Variants in ZBTB37 observed in about 807,000 individuals in gnomAD.
ZBTB37 encodes zinc finger and BTB domain-containing protein 37.
A neutral mutation model predicts 37.7 loss-of-function variants in ZBTB37; 15 were observed. The observed-to-expected ratio is 0.40, with a 90% CI of 0.27 to 0.61. The LOEUF is 0.61. Among genes scored for constraint, ZBTB37 ranks in the 20% least tolerant of loss-of-function variants. The pLI is 0.44. For missense variants in ZBTB37, 514 were observed against 641.9 expected, an observed-to-expected ratio of 0.80 and a Z score of 2.15; for synonymous variants, 231 against 220.6, an observed-to-expected ratio of 1.05 and a Z score of -0.42.
exon 4 of ZBTB37, chr1:173,901,697 ACT>A (rs1362308595): frequency 6.6e-6 from 1 of 152,028 alleles, no homozygotes; most frequent in Non-Finnish European, 1.5e-5. Flanking sequence ...TTGGCCTAGA[ACT>A]CTGTTTTTGG....
exon 3 of ZBTB37, chr1:173,870,764 C>G: frequency 6.2e-7 from 1 of 1,614,220 alleles, no homozygotes; most frequent in Non-Finnish European, 8.5e-7. Flanking sequence ...CAGGTTAGTG[C>G]TGTGCTGGAT....
At chr1:173,871,052 T>C (rs1331280795) in exon 3 of ZBTB37, 1 of 1,614,078 alleles carries the variant, frequency 6.2e-7, no homozygotes, top group Non-Finnish European at 8.5e-7. Context: ...GCCATGGTGA[T>C]TGATACCACA....
chr1:173,869,680 A>G (rs916849949), intron 2 of ZBTB37, among the ~76,000 whole-genome samples: 6 of 152,220 alleles, frequency 3.9e-5, no homozygotes, highest in Non-Finnish European at 7.3e-5. Context: ...AAGCTTAGAA[A>G]TATTAGCCTA....
At chr1:173,872,570 C>T (rs1655646781) in intron 3 of ZBTB37, among the ~76,000 whole-genome samples, 1 of 152,010 alleles carries the variant, frequency 6.6e-6, no homozygotes, top group Admixed American at 6.6e-5. Flanking sequence ...TAGAACTTGT[C>T]CTCCTATGTT....
downstream of ZBTB37, chr1:173,889,028 G>A (rs2102755251): frequency 6.6e-6 from 1 of 152,202 alleles, no homozygotes; most frequent in East Asian, 1.9e-4. Context: ...TGGTCATCTA[G>A]GACCACTTTA....
intron 4 of ZBTB37, 121 bp downstream of exon 4, chr1:173,873,687 C>A (rs1004337400): frequency 4.9e-6 from 7 of 1,433,408 alleles, no homozygotes; most frequent in Non-Finnish European, 6.5e-6. Context: ...TAAAGAAATA[C>A]TGTATTTTTT....
At chr1:173,877,717 A>C (rs1656062503) in intron 4 of ZBTB37, among the ~76,000 whole-genome samples, 1 of 152,108 alleles carries the variant, frequency 6.6e-6, no homozygotes, top group Admixed American at 6.6e-5. Context: ...GCCACCACAT[A>C]CAGCCTCAAG....
At chr1:173,885,701 T>A (rs1437532900) in exon 5 of ZBTB37, 1 of 1,551,994 alleles carries the variant, frequency 6.4e-7, no homozygotes, top group East Asian at 2.4e-5. Flanking sequence ...AGGAAGTATC[T>A]GAGCGGTGGT....
intron 2 of ZBTB37, among the ~76,000 whole-genome samples, chr1:173,869,629 C>G (rs1655374967): frequency 7.3e-6 from 1 of 137,826 alleles, no homozygotes; most frequent in African/African-American, 3.1e-5. Context: ...GCTTCACAGC[C>G]CTATAACCAA....
chr1:173,878,935 A>C (rs1207869321), intron 4 of ZBTB37, among the ~76,000 whole-genome samples: 1 of 152,000 alleles, frequency 6.6e-6, no homozygotes. Context: ...ATAAAAATAC[A>C]AAAACATTAG....
chr1:173,880,411 G>A (rs139418356), intron 4 of ZBTB37, among the ~76,000 whole-genome samples: 9 of 152,244 alleles, frequency 5.9e-5, no homozygotes, highest in Non-Finnish European at 8.8e-5. Context: ...AAATTAGAAT[G>A]GTAGAAGGCT....
chr1:173,868,670 A>G (rs909653595), intron 1 of ZBTB37: 1 of 152,302 alleles, frequency 6.6e-6, no homozygotes, highest in African/African-American at 2.4e-5. Context: ...ACACACCCAG[A>G]TACGCACACC....
rs1466981133 is a variant in ZBTB37 at position 173,875,200 on chromosome 1, CTA to C, written c.1023+1636_1023+1637del. Among the ~76,000 whole-genome samples the C allele has an allele frequency of 1.6e-4, 24 of 150,000 alleles. 1 individual carries two copies. Among genetic ancestry groups the C allele is most frequent in the Middle Eastern group, 3.5e-3 (1 of 288 alleles). ...ATATACTATATGTAGTATACACACA[CTA>C]TGTATACTATAGTATGCACACACTA... is the stretch of plus-strand genomic sequence containing the variant. On this transcript the variant is annotated intron_variant, in intron 4 of 4. Transcript: ENST00000427304.
chr1:173,873,840 A>G (rs1172159854), intron 4 of ZBTB37, among the ~76,000 whole-genome samples: 2 of 152,250 alleles, frequency 1.3e-5, no homozygotes, highest in Non-Finnish European at 2.9e-5. Context: ...TAGCTGGTTT[A>G]ACATTTTAAA....
chr1:173,871,055 A>G, exon 3 of ZBTB37: 1 of 1,614,210 alleles, frequency 6.2e-7, no homozygotes, highest in South Asian at 1.1e-5. Context: ...ATGGTGATTG[A>G]TACCACAGGC....
chr1:173,895,950 C>T (rs1657028455), exon 4 of ZBTB37: 1 of 152,160 alleles, frequency 6.6e-6, no homozygotes, highest in African/African-American at 2.4e-5. Context: ...AGTCCATGTG[C>T]AATGAATCCT....
At position 173,892,838 on chromosome 1, in the gene ZBTB37, G is replaced by A. The variant is rs577793288; in HGVS notation, c.*6714G>A. Reference sequence around the variant, plus strand: ...TGAAAAAAACTTGTCTATTGCCTGCGTCTTTCATGTCTACTCAATAGGTCC... The same window carrying A: ...TGAAAAAAACTTGTCTATTGCCTGCATCTTTCATGTCTACTCAATAGGTCC... On this transcript the variant is annotated 3_prime_UTR_variant, in exon 4 of 4. Transcript: ENST00000367701. 6.6e-5 allele frequency: 10 copies of A among 152,252 alleles called. No homozygotes were observed. The South Asian group carries it at 1.7e-3, about 25-fold the overall frequency. 9.4% of individuals were successfully genotyped at this position (152,252 alleles called of 1,614,324 possible).
chr1:173,880,100 C>T (rs1226246179), intron 4 of ZBTB37, among the ~76,000 whole-genome samples: 2 of 152,190 alleles, frequency 1.3e-5, no homozygotes, highest in Admixed American at 1.3e-4. Context: ...AACACAGGAT[C>T]AGGCACACAC....
chr1:173,882,379 CTA>C (rs1656374021), intron 4 of ZBTB37, among the ~76,000 whole-genome samples: 1 of 151,040 alleles, frequency 6.6e-6, no homozygotes, highest in African/African-American at 2.4e-5. Flanking sequence ...GTAGCTGGGA[CTA>C]CAGGCACCCG....
Sources: gnomAD v4.1 joint callset for allele counts (sites outside exome capture counted in the v4.1 genomes callset) on GRCh38, gnomAD v4.1.1 for gene constraint, MANE v1.5 for transcripts, NCBI Gene and HGNC (gene_info 2026-07-23, HGNC 2026-07-21) for gene names.